The following ERC2 variants were observed in gnomAD, a reference collection of about 807,000 sequenced individuals.
ERC2 encodes the protein ELKS/RAB6-interacting/CAST family member 2.
In ERC2, 42 loss-of-function variants were observed where a neutral mutation model predicts 114.8. The observed-to-expected ratio is 0.37, with a 90% confidence interval of 0.29 to 0.47. The LOEUF is 0.47. Ranked by LOEUF, ERC2 falls within the 20% of genes least tolerant of loss-of-function variation. The probability of loss-of-function intolerance (pLI) is 0.99; values close to 1 mark genes in which losing one functional copy is unlikely to be tolerated. For missense variants in ERC2, 939 were observed against 1,150.7 expected (o/e 0.82, Z 2.66); for synonymous variants, 454 against 425.5 (o/e 1.07, Z -0.82).
At chr3:55,873,331 G>C (rs980008109) in intron 14 of ERC2, among the ~76,000 whole-genome samples, 2 of 152,150 alleles carry the variant, frequency 1.3e-5, no homozygotes, top group Non-Finnish European at 2.9e-5. Context: ...AATCCTGAGA[G>C]GTTCAAATCC....
chr3:56,059,528 A>G (rs1467934833), intron 7 of ERC2, among the ~76,000 whole-genome samples: 3 of 152,198 alleles, frequency 2.0e-5, no homozygotes, highest in Non-Finnish European at 4.4e-5. Flanking sequence ...CAGTTTCCCC[A>G]TCTGAAAACT....
At chr3:56,054,093 C>A (rs1293664559) in intron 7 of ERC2, among the ~76,000 whole-genome samples, 1 of 152,156 alleles carries the variant, frequency 6.6e-6, no homozygotes, top group East Asian at 1.9e-4. Flanking sequence ...GCAATTATTA[C>A]ACCCATTTTG....
chr3:55,522,857 A>G (rs2053055060), intron 17 of ERC2, among the ~76,000 whole-genome samples: 1 of 152,220 alleles, frequency 6.6e-6, no homozygotes, highest in Non-Finnish European at 1.5e-5. Flanking sequence ...GCTTCCAGCT[A>G]TCATACATGT....
chr3:55,921,509 T>C (rs551728011), intron 13 of ERC2, among the ~76,000 whole-genome samples: 6 of 152,206 alleles, frequency 3.9e-5, no homozygotes, highest in African/African-American at 1.4e-4. Flanking sequence ...AGTTCAAAAT[T>C]CTGTCATCGC....
chr3:56,099,060 G>T (rs763490603), intron 6 of ERC2, among the ~76,000 whole-genome samples: 1 of 152,138 alleles, frequency 6.6e-6, no homozygotes, highest in Non-Finnish European at 1.5e-5. Flanking sequence ...GATTATCTGG[G>T]TAAGCCCTAA....
rs17056434 is a variant in ERC2 at position 56,094,261 on chromosome 3, A to G, written c.1474-13277T>C. On this transcript the variant is annotated intron_variant, in intron 6 of 17. Transcript: ENST00000288221. ...AGGGACTCAGAAGGCCTTGGCTGAC[A>G]GTCTGCTGATACTTTTGAGATGCCC... Among the ~76,000 whole-genome samples the G allele has an allele frequency of 4.1e-3, 623 of 152,316 alleles. 5 individuals carry two copies. The highest frequency in any genetic ancestry group is 0.014 in the African/African-American group (597 of 41,574).
chr3:56,290,760 C>T (rs538654469), intron 3 of ERC2, among the ~76,000 whole-genome samples: 2 of 152,312 alleles, frequency 1.3e-5, no homozygotes. Flanking sequence ...CTTGGTGGAT[C>T]TCCCACTGTC....
intron 15 of ERC2, among the ~76,000 whole-genome samples, chr3:55,713,282 C>T (rs1258531287): frequency 2.0e-5 from 3 of 152,016 alleles, no homozygotes; most frequent in Admixed American, 6.6e-5. Context: ...GCAGTCTTGG[C>T]TCACTGCAAC....
chr3:55,643,390 T>G (rs980318410), intron 17 of ERC2, among the ~76,000 whole-genome samples: 3 of 152,192 alleles, frequency 2.0e-5, no homozygotes, highest in Non-Finnish European at 2.9e-5. Flanking sequence ...GCAAGGCCAA[T>G]GTTAGATAAA....
chr3:55,957,751 C>T (rs1033808259), intron 12 of ERC2, among the ~76,000 whole-genome samples: 5 of 152,220 alleles, frequency 3.3e-5, no homozygotes, highest in South Asian at 2.1e-4. Flanking sequence ...CAGCTCCAGG[C>T]GCCTGCTCCG....
intron 14 of ERC2, among the ~76,000 whole-genome samples, chr3:55,859,968 C>G (rs146316864): frequency 2.1e-3 from 323 of 152,112 alleles, no homozygotes; most frequent in African/African-American, 7.5e-3. Flanking sequence ...TTATCCCAAG[C>G]CTCCTACTAT....
At chr3:56,437,792 T>C (rs1457028452) in intron 1 of ERC2, among the ~76,000 whole-genome samples, 2 of 152,194 alleles carry the variant, frequency 1.3e-5, no homozygotes, top group Non-Finnish European at 2.9e-5. Flanking sequence ...GAGAGACAGA[T>C]AATGGAATAG....
intron 6 of ERC2, among the ~76,000 whole-genome samples, chr3:56,128,127 T>A (rs889002279): frequency 6.6e-6 from 1 of 152,126 alleles, no homozygotes; most frequent in Non-Finnish European, 1.5e-5. Context: ...TGAATAGTGC[T>A]CCAAGCACCA....
At chr3:55,995,329 C>CTCAA (rs71099607) in intron 10 of ERC2, among the ~76,000 whole-genome samples, 21,868 of 150,960 alleles carry the variant, frequency 0.14, 1,666 homozygotes, top group East Asian at 0.35. Flanking sequence ...GATACTCCAT[C>CTCAA]TCAATCAATC....
chr3:56,180,835 A>G (rs1237738462), intron 3 of ERC2, among the ~76,000 whole-genome samples: 2 of 152,242 alleles, frequency 1.3e-5, no homozygotes, highest in African/African-American at 4.8e-5. Context: ...AGTTTTTCTA[A>G]AACAGAAACA....
chr3:56,274,431 T>C (rs1370263942), intron 3 of ERC2, among the ~76,000 whole-genome samples: 2 of 152,106 alleles, frequency 1.3e-5, no homozygotes, highest in African/African-American at 4.8e-5. Context: ...ACTCAAGTCC[T>C]GAAGAACCTG....
chr3:56,221,817 T>C (rs759679600), intron 3 of ERC2, among the ~76,000 whole-genome samples: 1 of 151,908 alleles, frequency 6.6e-6, no homozygotes, highest in Non-Finnish European at 1.5e-5. Context: ...GGCAGGAGAA[T>C]GGTGTGAACC....
chr3:56,107,524 A>C (rs2078735822), intron 6 of ERC2, among the ~76,000 whole-genome samples: 1 of 152,100 alleles, frequency 6.6e-6, no homozygotes, highest in Admixed American at 6.6e-5. Flanking sequence ...ATCTGAAAAA[A>C]TGATGGGCTC....
chr3:56,309,509 C>G (rs1300752322), intron 2 of ERC2, among the ~76,000 whole-genome samples: 2 of 152,198 alleles, frequency 1.3e-5, no homozygotes, highest in South Asian at 2.1e-4. Context: ...TGCAACTAAC[C>G]AGTTACGTGA....
Sources: allele counts gnomAD v4.1 joint callset (sites outside exome capture counted in the v4.1 genomes callset), GRCh38; gene constraint gnomAD v4.1.1; transcripts MANE v1.5; gene names NCBI Gene and HGNC (gene_info 2026-07-23, HGNC 2026-07-21).